The following UBR3 variants were observed in gnomAD, a reference collection of about 807,000 sequenced individuals.
The protein encoded by UBR3 is ubiquitin protein ligase E3 component n-recognin 3.
Under a neutral mutation model 243.2 loss-of-function variants are expected in UBR3, and 85 were observed. The observed-to-expected ratio is 0.35, with a 90% CI of 0.29 to 0.42. UBR3 has a LOEUF of 0.42. Ranked by LOEUF, UBR3 falls within the 10% of genes least tolerant of loss-of-function variation. The pLI is 1.00. For missense variants in UBR3, 1,686 were observed against 2,300.8 expected, an observed-to-expected ratio of 0.73 and a Z score of 5.47; for synonymous variants, 748 against 799.8, an observed-to-expected ratio of 0.94 and a Z score of 1.09.
intron 24 of UBR3, among the ~76,000 whole-genome samples, chr2:169,966,871 T>C (rs1034698422): frequency 6.6e-6 from 1 of 152,198 alleles, no homozygotes; most frequent in African/African-American, 2.4e-5. Flanking sequence ...ACAAGTGGAC[T>C]GTGTAGGGTT....
intron 26 of UBR3, among the ~76,000 whole-genome samples, chr2:169,994,986 C>T (rs774669904): frequency 6.6e-6 from 1 of 152,090 alleles, no homozygotes; most frequent in Non-Finnish European, 1.5e-5. Context: ...AGGGTCGATC[C>T]CTACCTTGTG....
At chr2:169,829,639 A>T (rs573571807) in intron 1 of UBR3, among the ~76,000 whole-genome samples, 2 of 152,182 alleles carry the variant, frequency 1.3e-5, no homozygotes, top group East Asian at 3.9e-4. Context: ...CGGTCAGGCT[A>T]GTCCCGAACT....
rs2084318242 is a variant in UBR3 at position 169,890,565 on chromosome 2, G to GTGTATATATATATATGTATATATA, written c.1039-598_1039-575dup. 8.0e-4 allele frequency among the ~76,000 whole-genome samples: 57 copies of GTGTATATATATATATGTATATATA among 71,154 alleles called. 1 individual carries two copies. Among genetic ancestry groups the GTGTATATATATATATGTATATATA allele is most frequent in the African/African-American group, 4.2e-3 (57 of 13,664 alleles). 46.7% of individuals were successfully genotyped at this position (71,154 alleles called of 152,430 possible). On this transcript the variant is annotated intron_variant, in intron 5 of 38. Coordinates refer to ENST00000272793, the MANE Select transcript of UBR3 (RefSeq NM_172070.4). ...GATATATATATATATATATATATAT[G>GTGTATATATATATATGTATATATA]TGTATATATATATATGTATATATAT...
In UBR3 at chr2:169,854,671, C is replaced by T. The variant is rs368634702; in HGVS notation, c.546-17565C>T. Reference sequence around the variant, plus strand: ...TTCAGTACAATGGACATTCATGTACCACTATCCACCTTATGAAATACAACA... The same window carrying T: ...TTCAGTACAATGGACATTCATGTACTACTATCCACCTTATGAAATACAACA... On this transcript the variant is annotated intron_variant, in intron 1 of 38. Transcript: ENST00000272793. 2.2e-4 allele frequency among the ~76,000 whole-genome samples: 34 copies of T among 152,016 alleles called. No individual in the cohort carries two copies. The South Asian group carries it at 7.1e-3, about 32-fold the overall frequency.
chr2:169,907,325 C>G (rs1245849911), intron 10 of UBR3, among the ~76,000 whole-genome samples: 2 of 152,068 alleles, frequency 1.3e-5, no homozygotes, highest in Non-Finnish European at 2.9e-5. Context: ...TCTGAATTAA[C>G]TTTTAAAAAC....
intron 11 of UBR3, among the ~76,000 whole-genome samples, chr2:169,916,589 C>G (rs2085473497): frequency 6.6e-6 from 1 of 152,092 alleles, no homozygotes; most frequent in Admixed American, 6.5e-5. Context: ...TTTGGATGCC[C>G]TCCTCATTCT....
At position 169,851,395 on chromosome 2, in the gene UBR3, T is replaced by C. The variant is rs554408622; in HGVS notation, c.546-20841T>C. Reference sequence around the variant, plus strand: ...ACGCCTGCCTCAACCTCCCAAAGCATTGGGATTACAGGCGTGAGCCATCGC... The same window carrying C: ...ACGCCTGCCTCAACCTCCCAAAGCACTGGGATTACAGGCGTGAGCCATCGC... On this transcript the variant is annotated intron_variant, in intron 1 of 38. Coordinates refer to ENST00000272793, the MANE Select transcript of UBR3 (RefSeq NM_172070.4). 3.9e-5 allele frequency among the ~76,000 whole-genome samples: 6 copies of C among 152,308 alleles called. No homozygotes were observed. In the East Asian group the frequency reaches 1.2e-3, roughly 29 times the overall value.
intron 25 of UBR3, among the ~76,000 whole-genome samples, chr2:169,987,997 T>C (rs1323636643): frequency 2.0e-5 from 3 of 152,208 alleles, no homozygotes; most frequent in African/African-American, 7.2e-5. Context: ...AATTCGTTTC[T>C]TCTGTTACTC....
intron 5 of UBR3, among the ~76,000 whole-genome samples, chr2:169,882,393 T>TA (rs1188765458): frequency 4.9e-5 from 7 of 142,900 alleles, no homozygotes; most frequent in Non-Finnish European, 9.0e-5. Context: ...TATAAAAATA[T>TA]ATATATATAA....
At chr2:170,007,228 T>A (rs2089946208) in intron 28 of UBR3, 38 bp downstream of exon 28, 2 of 1,545,224 alleles carry the variant, frequency 1.3e-6, no homozygotes, top group South Asian at 2.4e-5. Flanking sequence ...CCTGGTTAAC[T>A]CAGCTCTGAT....
chr2:169,991,570 A>G (rs139691725), intron 25 of UBR3, among the ~76,000 whole-genome samples: 3 of 152,198 alleles, frequency 2.0e-5, no homozygotes, highest in East Asian at 1.9e-4. Context: ...ATTAAACAAC[A>G]TACTCTTTAT....
intron 30 of UBR3, among the ~76,000 whole-genome samples, chr2:170,016,665 T>C (rs1029041433): frequency 1.3e-5 from 2 of 151,906 alleles, no homozygotes; most frequent in Non-Finnish European, 1.5e-5. Flanking sequence ...GGGTTTTCTG[T>C]TTTTAAAAAT....
chr2:170,063,428 T>C (rs536349612), intron 35 of UBR3, among the ~76,000 whole-genome samples: 5 of 151,896 alleles, frequency 3.3e-5, no homozygotes, highest in Admixed American at 1.3e-4. Flanking sequence ...AGAAATTTGT[T>C]CTCCTTTTAT....
chr2:170,011,256 A>T (rs1221431080), intron 29 of UBR3, among the ~76,000 whole-genome samples: 1 of 152,182 alleles, frequency 6.6e-6, no homozygotes, highest in Non-Finnish European at 1.5e-5. Flanking sequence ...ATTTAAATAC[A>T]TTGTAATTTT....
In UBR3 at chr2:169,981,763, G is replaced by A. The variant is rs1411754862; in HGVS notation, c.3635-4882G>A. Among the ~76,000 whole-genome samples, 3 of 151,874 alleles carry A rather than the reference G, an allele frequency of 2.0e-5. No individual in the cohort carries two copies. The East Asian group carries it at 5.8e-4, about 29-fold the overall frequency. On this transcript the variant is annotated intron_variant, in intron 24 of 38. Transcript: ENST00000272793. ...GTAAAGTTTAAGATGAAACTGTGGG[G>A]GGGAGGGTACATGTAGTATCTGCAA...
At chr2:170,055,075 T>C (rs1462888328) in intron 32 of UBR3, among the ~76,000 whole-genome samples, 1 of 152,140 alleles carries the variant, frequency 6.6e-6, no homozygotes, top group Non-Finnish European at 1.5e-5. Flanking sequence ...AGTGGGAGGA[T>C]TGCTTGAGCC....
At chr2:170,047,840 G>A (rs956966910) in intron 32 of UBR3, among the ~76,000 whole-genome samples, 1 of 152,150 alleles carries the variant, frequency 6.6e-6, no homozygotes, top group Admixed American at 6.5e-5. Context: ...CCTTTGTCCA[G>A]TATATCCACA....
intron 10 of UBR3, among the ~76,000 whole-genome samples, chr2:169,909,597 T>C (rs2085169373): frequency 6.6e-6 from 1 of 152,138 alleles, no homozygotes; most frequent in Admixed American, 6.6e-5. Context: ...ATGGTGACTA[T>C]AGTTAATAAT....
At position 170,015,313 on chromosome 2, in the gene UBR3, G is replaced by C; in HGVS notation, c.4400G>C (p.Gly1467Ala). ...TNLELELIHR[G>A]GNLCSGGAST... Reference sequence around the variant, plus strand: ...TTAGAACTTGAATTGATTCATCGAGGAGGCAATTTGTGTTCAGGTGGTGCA... The same window carrying C: ...TTAGAACTTGAATTGATTCATCGAGCAGGCAATTTGTGTTCAGGTGGTGCA... The change falls in exon 30 of 39, where the codon GGA becomes GCA. Residue 1467 changes from glycine (G) to alanine (A), a missense_variant. By Grantham distance (60) the Gly-to-Ala change is moderately conservative. This residue lies in a region of UBR3 where 371 missense variants were observed against 422.5 expected (regional missense o/e 0.88). Coordinates refer to ENST00000272793, the MANE Select transcript of UBR3 (RefSeq NM_172070.4). 3 of 1,610,890 alleles carry C rather than the reference G, an allele frequency of 1.9e-6. No individual in the cohort carries two copies. The highest frequency in any genetic ancestry group is 2.5e-6 in the Non-Finnish European group (3 of 1,178,290).
Sources: allele counts gnomAD v4.1 joint callset (sites outside exome capture counted in the v4.1 genomes callset), GRCh38; gene constraint gnomAD v4.1.1; regional missense constraint gnomAD v4.1.1; transcripts MANE v1.5; gene names NCBI Gene and HGNC (gene_info 2026-07-23, HGNC 2026-07-21).